The following PLEKHG1 variants were observed in gnomAD, a reference collection of about 807,000 sequenced individuals.
PLEKHG1 encodes the protein pleckstrin homology and RhoGEF domain containing G1, also known as pleckstrin homology domain-containing family G member 1.
Under a neutral mutation model 100.8 loss-of-function variants are expected in PLEKHG1, and 44 were observed. The observed-to-expected ratio is 0.44, with a 90% CI of 0.34 to 0.56. The LOEUF (loss-of-function observed/expected upper bound fraction) is 0.56. Among genes scored for constraint, PLEKHG1 ranks in the 20% least tolerant of loss-of-function variants. The probability of loss-of-function intolerance (pLI) is 0.01; values close to 1 mark genes in which losing one functional copy is unlikely to be tolerated. For synonymous variants in PLEKHG1, 640 were observed against 662.5 expected (o/e 0.97, Z 0.52); for missense variants, 1,545 against 1,720.9 (o/e 0.90, Z 1.81).
At chr6:150,709,704 C>T (rs1781173932) in intron 3 of PLEKHG1, among the ~76,000 whole-genome samples, 1 of 152,186 alleles carries the variant, frequency 6.6e-6, no homozygotes, top group Admixed American at 6.5e-5. Flanking sequence ...GATCTTGTGT[C>T]CTTTCCACAC....
chr6:150,661,805 T>C (rs1238861850), intron 3 of PLEKHG1, among the ~76,000 whole-genome samples: 1 of 152,224 alleles, frequency 6.6e-6, no homozygotes, highest in African/African-American at 2.4e-5. Flanking sequence ...TTCATGTGTA[T>C]ATCAGAGCAA....
At chr6:150,601,469 C>A (rs73619628) in intron 1 of PLEKHG1, among the ~76,000 whole-genome samples, 1 of 152,070 alleles carries the variant, frequency 6.6e-6, no homozygotes, top group African/African-American at 2.4e-5. Context: ...CAAACCCCTA[C>A]CCCCTGTAAT....
chr6:150,769,337 T>G (rs956131436), intron 3 of PLEKHG1, among the ~76,000 whole-genome samples: 8 of 152,002 alleles, frequency 5.3e-5, no homozygotes, highest in Admixed American at 3.3e-4. Flanking sequence ...ATCCCAGCAC[T>G]TTGGTAGGCC....
chr6:150,691,065 G>A (rs1008211380), intron 3 of PLEKHG1, among the ~76,000 whole-genome samples: 3 of 152,240 alleles, frequency 2.0e-5, no homozygotes, highest in African/African-American at 7.2e-5. Context: ...TTGGCACACA[G>A]TGAATATAGC....
exon 9 of PLEKHG1, chr6:150,809,406 T>G (rs746596797): frequency 1.9e-6 from 3 of 1,613,656 alleles, no homozygotes; most frequent in South Asian, 2.2e-5. Context: ...CTTGTGGAGG[T>G]GATTCCAAAA....
chr6:150,629,561 A>C (rs2128560913), intron 1 of PLEKHG1, among the ~76,000 whole-genome samples: 1 of 152,204 alleles, frequency 6.6e-6, no homozygotes, highest in African/African-American at 2.4e-5. Context: ...CCCGGGTTCA[A>C]GTGATTCTCC....
At chr6:150,827,537 A>G (rs1412857944) in intron 14 of PLEKHG1, 9 of 573,444 alleles carry the variant, frequency 1.6e-5, no homozygotes, top group Non-Finnish European at 2.6e-5. Flanking sequence ...CTGCCTTCCA[A>G]AGTGCTGGGA....
intron 3 of PLEKHG1, among the ~76,000 whole-genome samples, chr6:150,702,251 C>T (rs1345445719): frequency 6.6e-6 from 1 of 152,280 alleles, no homozygotes; most frequent in Middle Eastern, 3.4e-3. Flanking sequence ...GCAGGCGGAT[C>T]ACGAGGTCAG....
intron 10 of PLEKHG1, among the ~76,000 whole-genome samples, chr6:150,816,806 T>G (rs2128675437): frequency 1.3e-5 from 2 of 152,292 alleles, no homozygotes; most frequent in South Asian, 4.1e-4. Context: ...ACCTCTCTGC[T>G]AACGTTAATC....
At chr6:150,809,620 TCTGA>T in intron 9 of PLEKHG1, 24 bp from the exon 11 acceptor site, 5 of 1,600,254 alleles carry the variant, frequency 3.1e-6, no homozygotes, top group South Asian at 2.2e-5. Flanking sequence ...AATCAAGTTG[TCTGA>T]CTGTCTACAT....
chr6:150,714,833 C>T (rs1781365257), intron 3 of PLEKHG1, among the ~76,000 whole-genome samples: 1 of 147,702 alleles, frequency 6.8e-6, no homozygotes, highest in Non-Finnish European at 1.5e-5. Flanking sequence ...TTTTTTGAGA[C>T]AGTCTCACTC....
At chr6:150,701,453 ATATATATATAT>A (rs1780779304) in intron 3 of PLEKHG1, among the ~76,000 whole-genome samples, 2 of 84,290 alleles carry the variant, frequency 2.4e-5, no homozygotes, top group African/African-American at 2.4e-4. Flanking sequence ...ATATATATAT[ATATATATATAT>A]ATAATTATAC....
intron 2 of PLEKHG1, among the ~76,000 whole-genome samples, chr6:150,752,091 C>G (rs1002848714): frequency 6.6e-6 from 1 of 152,018 alleles, no homozygotes; most frequent in Non-Finnish European, 1.5e-5. Flanking sequence ...GAGGCTGAGA[C>G]AGGAGAATCA....
At chr6:150,798,952 G>T (rs1786532152) in intron 5 of PLEKHG1, among the ~76,000 whole-genome samples, 1 of 152,096 alleles carries the variant, frequency 6.6e-6, no homozygotes, top group African/African-American at 2.4e-5. Flanking sequence ...TGTTGGCCAG[G>T]CTGGTCTCGA....
At chr6:150,630,447 G>C (rs1178962924) in intron 1 of PLEKHG1, among the ~76,000 whole-genome samples, 1 of 152,192 alleles carries the variant, frequency 6.6e-6, no homozygotes, top group East Asian at 1.9e-4. Flanking sequence ...CACAGGGTTT[G>C]TGGATGGCTT....
intron 3 of PLEKHG1, among the ~76,000 whole-genome samples, chr6:150,680,225 T>C (rs1442254662): frequency 6.6e-6 from 1 of 151,992 alleles, no homozygotes; most frequent in Non-Finnish European, 1.5e-5. Context: ...AGGGTAGAGA[T>C]GGAGAAAAGG....
At chr6:150,661,357 C>T (rs1244927611) in intron 3 of PLEKHG1, among the ~76,000 whole-genome samples, 2 of 152,196 alleles carry the variant, frequency 1.3e-5, no homozygotes, top group Non-Finnish European at 2.9e-5. Context: ...AGGATTCAGT[C>T]AGTAAAGCCA....
Position 150,809,324 on chromosome 6 carries a change from T to C in PLEKHG1, c.1095+37T>C, listed in dbSNP as rs1393647151. 1.9e-6 allele frequency: 3 copies of C among 1,610,114 alleles called. No homozygotes were observed. In the East Asian group the frequency reaches 6.7e-5, roughly 36 times the overall value. On this transcript the variant is annotated intron_variant, in intron 8 of 15. Transcript: ENST00000358517. ...CGCTGGCCATGGGCAGGGACTCAGA[T>C]CCCCAGTTCTGTTCCCTCCTGAGTG...
At chr6:150,623,792 C>T (rs1777406786) in intron 1 of PLEKHG1, among the ~76,000 whole-genome samples, 1 of 152,218 alleles carries the variant, frequency 6.6e-6, no homozygotes, top group Non-Finnish European at 1.5e-5. Context: ...GCTGCAGCGA[C>T]CTGTTTACCG....
Sources: gnomAD v4.1 joint callset for allele counts (sites outside exome capture counted in the v4.1 genomes callset) on GRCh38, gnomAD v4.1.1 for gene constraint, MANE v1.5 for transcripts, NCBI Gene and HGNC (gene_info 2026-07-23, HGNC 2026-07-21) for gene names.